The following SND1 variants were observed in gnomAD, a reference collection of about 807,000 sequenced individuals.
SND1 encodes the protein staphylococcal nuclease and tudor domain containing 1.
SND1 carries 38 observed loss-of-function variants against 121.7 expected under a neutral mutation model. The observed-to-expected ratio is 0.31, with a 90% CI of 0.24 to 0.41. The LOEUF (loss-of-function observed/expected upper bound fraction) is 0.41. Among genes scored for constraint, SND1 ranks in the 10% least tolerant of loss-of-function variants. SND1 has a pLI of 1.00. For missense variants in SND1, 868 were observed against 1,184.6 expected (o/e 0.73, Z 3.92); for synonymous variants, 401 against 447.4 (o/e 0.90, Z 1.31).
intron 11 of SND1, among the ~76,000 whole-genome samples, chr7:127,834,586 C>T (rs1219677504): frequency 6.6e-6 from 1 of 152,082 alleles, no homozygotes; most frequent in Non-Finnish European, 1.5e-5. Context: ...ATTTAGTAGG[C>T]CTCTACTTTG....
chr7:127,718,991 A>AT (rs1259461913), intron 9 of SND1, among the ~76,000 whole-genome samples: 8 of 152,222 alleles, frequency 5.3e-5, no homozygotes, highest in African/African-American at 1.9e-4. Context: ...GTTACCCTCT[A>AT]TCCTTTGGGT....
chr7:127,671,534 T>C (rs932967170), intron 1 of SND1, among the ~76,000 whole-genome samples: 1 of 152,190 alleles, frequency 6.6e-6, no homozygotes, highest in East Asian at 1.9e-4. Flanking sequence ...TCTTGCTATG[T>C]TGCCCGGGCT....
chr7:127,848,261 A>G (rs368732663), intron 12 of SND1, among the ~76,000 whole-genome samples: 11 of 152,230 alleles, frequency 7.2e-5, no homozygotes, highest in South Asian at 6.2e-4. Flanking sequence ...GTTTTAGTAA[A>G]TACACACTCT....
At chr7:128,019,621 C>G (rs1163404213) in intron 16 of SND1, among the ~76,000 whole-genome samples, 1 of 152,220 alleles carries the variant, frequency 6.6e-6, no homozygotes, top group Non-Finnish European at 1.5e-5. Flanking sequence ...AGAGGTAACT[C>G]CACCCAATGC....
chr7:127,695,983 A>G (rs1200912293), intron 3 of SND1, among the ~76,000 whole-genome samples: 2 of 152,188 alleles, frequency 1.3e-5, no homozygotes, highest in Non-Finnish European at 2.9e-5. Context: ...GTTGGAACAG[A>G]AATAGGATGT....
intron 10 of SND1, among the ~76,000 whole-genome samples, 184 bp from the exon 11 acceptor site, chr7:127,807,300 T>G (rs1798254641): frequency 6.6e-6 from 1 of 152,212 alleles, no homozygotes; most frequent in Non-Finnish European, 1.5e-5. Flanking sequence ...GTGAAAAAGG[T>G]AGCCCTATTC....
At chr7:127,887,254 C>T (rs1199107731) in intron 12 of SND1, among the ~76,000 whole-genome samples, 1 of 152,060 alleles carries the variant, frequency 6.6e-6, no homozygotes, top group African/African-American at 2.4e-5. Flanking sequence ...GCCCGGGCCT[C>T]CCAAAGTGTT....
chr7:127,768,375 G>A (rs1006945192), intron 10 of SND1, among the ~76,000 whole-genome samples: 3 of 152,158 alleles, frequency 2.0e-5, no homozygotes, highest in Admixed American at 2.0e-4. Context: ...TTTTGGGTAT[G>A]CTCAGTGACT....
chr7:128,058,665 T>G (rs1793181559), intron 16 of SND1, among the ~76,000 whole-genome samples: 1 of 152,200 alleles, frequency 6.6e-6, no homozygotes. Flanking sequence ...CCTTCAGCCT[T>G]TTTCTCCTCT....
intron 3 of SND1, among the ~76,000 whole-genome samples, chr7:127,695,919 A>T (rs1795999657): frequency 6.6e-6 from 1 of 152,140 alleles, no homozygotes; most frequent in South Asian, 2.1e-4. Flanking sequence ...ATGGGATATT[A>T]GATGTTCTGG....
intron 15 of SND1, 136 bp from the exon 16 acceptor site, chr7:127,990,811 G>A (rs1466119847): frequency 4.8e-6 from 3 of 625,276 alleles, no homozygotes; most frequent in Non-Finnish European, 8.4e-6. Flanking sequence ...CATTACCTCT[G>A]TCTTCGTCTC....
At chr7:127,948,566 G>A (rs1801386442) in intron 15 of SND1, among the ~76,000 whole-genome samples, 1 of 152,230 alleles carries the variant, frequency 6.6e-6, no homozygotes, top group African/African-American at 2.4e-5. Flanking sequence ...TTTTAAAGTA[G>A]ACTGAGCTCA....
At position 127,949,909 on chromosome 7, in the gene SND1, G is replaced by A. The variant is rs138370838; in HGVS notation, c.1669+20580G>A. Among the ~76,000 whole-genome samples, 139 of 152,232 alleles carry A rather than the reference G, an allele frequency of 9.1e-4. 1 individual carries two copies. The highest frequency in any genetic ancestry group is 3.4e-3 in the Middle Eastern group (1 of 294). On this transcript the variant is annotated intron_variant, in intron 15 of 23. Transcript: ENST00000354725. ...GGCTTTATGCTGAATAGAAGATAAAGAGTGCTTATCCTCCACTCCCTTCCC... is the reference window on the plus strand; with the variant it reads ...GGCTTTATGCTGAATAGAAGATAAAAAGTGCTTATCCTCCACTCCCTTCCC...
intron 10 of SND1, among the ~76,000 whole-genome samples, chr7:127,804,549 C>T (rs536594376): frequency 6.6e-6 from 1 of 152,150 alleles, no homozygotes; most frequent in East Asian, 1.9e-4. Context: ...TGTTTCTTAC[C>T]TTTTATTCCT....
intron 16 of SND1, among the ~76,000 whole-genome samples, chr7:128,067,073 A>G (rs1050129259): frequency 6.6e-6 from 1 of 151,996 alleles, no homozygotes; most frequent in Non-Finnish European, 1.5e-5. Flanking sequence ...GTTGCTTTTC[A>G]TCTCTCCTGT....
intron 16 of SND1, among the ~76,000 whole-genome samples, chr7:128,023,563 TA>T (rs1316670597): frequency 6.6e-6 from 1 of 152,238 alleles, no homozygotes; most frequent in African/African-American, 2.4e-5. Flanking sequence ...GGGACAGCTA[TA>T]GTGCTGGTGT....
intron 10 of SND1, among the ~76,000 whole-genome samples, chr7:127,773,911 T>G (rs1332452056): frequency 1.3e-5 from 2 of 152,214 alleles, no homozygotes; most frequent in African/African-American, 4.8e-5. Flanking sequence ...ATGTAGCCTT[T>G]GTAACATCAT....
chr7:127,728,129 C>A (rs896969376), intron 10 of SND1, among the ~76,000 whole-genome samples: 2 of 152,064 alleles, frequency 1.3e-5, no homozygotes, highest in African/African-American at 4.8e-5. Context: ...TGTCTTGTTG[C>A]CCTTTGATTT....
chr7:127,840,818 T>C (rs1371490026), intron 11 of SND1, among the ~76,000 whole-genome samples: 3 of 152,196 alleles, frequency 2.0e-5, no homozygotes, highest in African/African-American at 7.2e-5. Context: ...GGCTGTGGGC[T>C]ATTCTCCGGG....
Sources: gnomAD v4.1 joint callset for allele counts (sites outside exome capture counted in the v4.1 genomes callset) on GRCh38, gnomAD v4.1.1 for gene constraint, MANE v1.5 for transcripts, NCBI Gene and HGNC (gene_info 2026-07-23, HGNC 2026-07-21) for gene names.